Variants in PHKB observed in about 807,000 individuals in gnomAD.
PHKB encodes the protein phosphorylase kinase regulatory subunit beta, also known as phosphorylase b kinase regulatory subunit beta.
PHKB carries 122 observed loss-of-function variants against 152.1 expected under a neutral mutation model. That is an observed-to-expected ratio of 0.80 (90% CI 0.69 to 0.93). PHKB has a LOEUF of 0.93. Among genes scored for constraint, PHKB ranks in the 40% least tolerant of loss-of-function variants. The pLI is 0.00. For missense variants in PHKB, 1,304 were observed against 1,328.4 expected, an observed-to-expected ratio of 0.98 and a Z score of 0.29; for synonymous variants, 436 against 464.9, an observed-to-expected ratio of 0.94 and a Z score of 0.80.
intron 6 of PHKB, among the ~76,000 whole-genome samples, chr16:47,540,251 T>A (rs1313425864): frequency 2.7e-5 from 3 of 111,666 alleles, no homozygotes; most frequent in African/African-American, 6.7e-5. Context: ...AAAACCTCCC[T>A]CCCCCCTCCC....
chr16:47,519,755 T>C (rs570053426), intron 6 of PHKB, among the ~76,000 whole-genome samples: 10 of 152,320 alleles, frequency 6.6e-5, no homozygotes, highest in Admixed American at 2.6e-4. Context: ...AGGGCTTAGA[T>C]ACTAGGAGTT....
intron 8 of PHKB, among the ~76,000 whole-genome samples, chr16:47,586,394 A>T (rs762287844): frequency 6.6e-6 from 1 of 152,216 alleles, no homozygotes; most frequent in Non-Finnish European, 1.5e-5. Context: ...TTTACCATTC[A>T]TCTGGTGGTT....
At chr16:47,575,402 A>T (rs576157049) in intron 7 of PHKB, among the ~76,000 whole-genome samples, 2 of 152,230 alleles carry the variant, frequency 1.3e-5, no homozygotes, top group Non-Finnish European at 2.9e-5. Context: ...ACCTGTACTC[A>T]TATGTTTATC....
intron 3 of PHKB, among the ~76,000 whole-genome samples, chr16:47,502,322 G>A (rs1411643254): frequency 6.6e-6 from 1 of 152,066 alleles, no homozygotes; most frequent in Non-Finnish European, 1.5e-5. Flanking sequence ...GTTTGGTTAA[G>A]GTATTTAGGT....
intron 1 of PHKB, among the ~76,000 whole-genome samples, chr16:47,493,864 G>A (rs762559279): frequency 1.6e-4 from 25 of 152,288 alleles, no homozygotes; most frequent in Non-Finnish European, 3.2e-4. Context: ...ACTCCAACTA[G>A]TAGTTCAAAA....
chr16:47,699,078 A>T, intron 30 of PHKB, 151 bp from the exon 31 acceptor site: 1 of 735,890 alleles, frequency 1.4e-6, no homozygotes, highest in Admixed American at 2.2e-5. Flanking sequence ...TATACACCTC[A>T]GGAAAATGAA....
intron 26 of PHKB, among the ~76,000 whole-genome samples, chr16:47,683,729 C>T (rs545120736): frequency 7.2e-5 from 11 of 152,314 alleles, no homozygotes; most frequent in East Asian, 5.8e-4. Flanking sequence ...GGCAATGCCT[C>T]GCCCTGCTTC....
intron 13 of PHKB, among the ~76,000 whole-genome samples, chr16:47,597,534 A>C (rs914338074): frequency 6.6e-6 from 1 of 152,082 alleles, no homozygotes; most frequent in Non-Finnish European, 1.5e-5. Context: ...CCTAATGCTA[A>C]TTTAAGAACA....
At chr16:47,510,986 C>A (rs1379454646) in intron 4 of PHKB, among the ~76,000 whole-genome samples, 1 of 152,154 alleles carries the variant, frequency 6.6e-6, no homozygotes. Context: ...TTGAATTGAA[C>A]AGGCCGTAAA....
intron 14 of PHKB, among the ~76,000 whole-genome samples, chr16:47,626,900 C>G (rs1212456547): frequency 6.6e-6 from 1 of 152,200 alleles, no homozygotes; most frequent in Non-Finnish European, 1.5e-5. Flanking sequence ...CCTCCCATCT[C>G]TGACATTTTC....
At chr16:47,481,841 A>C (rs1473588903) in intron 1 of PHKB, among the ~76,000 whole-genome samples, 2 of 152,212 alleles carry the variant, frequency 1.3e-5, no homozygotes, top group Non-Finnish European at 2.9e-5. Flanking sequence ...CTGTGATTGC[A>C]GCCCAGTTCT....
At chr16:47,592,355 C>T (rs186541098) in intron 10 of PHKB, among the ~76,000 whole-genome samples, 48 of 152,378 alleles carry the variant, frequency 3.2e-4, no homozygotes, top group Admixed American at 2.4e-3. Flanking sequence ...AGGCCCTTCC[C>T]GATCTGGCTG....
intron 13 of PHKB, among the ~76,000 whole-genome samples, chr16:47,600,171 A>G (rs1015557069): frequency 6.6e-6 from 1 of 152,244 alleles, no homozygotes; most frequent in African/African-American, 2.4e-5. Flanking sequence ...TAATTATATA[A>G]CAAAACTCTG....
chr16:47,491,584 T>C (rs1383764036), intron 1 of PHKB, among the ~76,000 whole-genome samples: 1 of 152,194 alleles, frequency 6.6e-6, no homozygotes, highest in Non-Finnish European at 1.5e-5. Flanking sequence ...GAGGTCTTTT[T>C]ATAGACATCA....
intron 27 of PHKB, among the ~76,000 whole-genome samples, chr16:47,691,589 C>T (rs1474156162): frequency 1.3e-5 from 2 of 151,904 alleles, no homozygotes; most frequent in Non-Finnish European, 2.9e-5. Context: ...CCTGTAGTTC[C>T]AGCTACTCAG....
chr16:47,580,505 G>T (rs1004896584), intron 8 of PHKB, 147 bp downstream of exon 8: 96 of 495,956 alleles, frequency 1.9e-4, no homozygotes, highest in Non-Finnish European at 2.9e-4. Flanking sequence ...CTTTGAAAAT[G>T]ATTTGCCAGT....
intron 29 of PHKB, among the ~76,000 whole-genome samples, chr16:47,697,197 G>A (rs990209547): frequency 1.3e-5 from 2 of 152,102 alleles, no homozygotes; most frequent in Non-Finnish European, 2.9e-5. Context: ...GTTTCTCAAG[G>A]GTAGATAATA....
At chr16:47,595,737 G>T (rs1456984800) in intron 12 of PHKB, among the ~76,000 whole-genome samples, 1 of 152,104 alleles carries the variant, frequency 6.6e-6, no homozygotes, top group Non-Finnish European at 1.5e-5. Flanking sequence ...TCATTTAAAG[G>T]TATTAAAATT....
At chr16:47,621,692 C>A (rs1448944708) in intron 14 of PHKB, among the ~76,000 whole-genome samples, 1 of 152,264 alleles carries the variant, frequency 6.6e-6, no homozygotes, top group Admixed American at 6.5e-5. Flanking sequence ...AATAGAAGTT[C>A]TTATGATTAT....
Sources: allele counts gnomAD v4.1 joint callset (sites outside exome capture counted in the v4.1 genomes callset), GRCh38; gene constraint gnomAD v4.1.1; transcripts MANE v1.5; gene names NCBI Gene and HGNC (gene_info 2026-07-23, HGNC 2026-07-21).